Variants in FSTL5 observed in about 807,000 individuals in gnomAD.
FSTL5 encodes follistatin-related protein 5.
Under a neutral mutation model 89.1 loss-of-function variants are expected in FSTL5, and 62 were observed. The observed-to-expected ratio is 0.70, with a 90% CI of 0.57 to 0.86. The LOEUF (loss-of-function observed/expected upper bound fraction) is 0.86. Ranked by LOEUF, FSTL5 falls within the 40% of genes least tolerant of loss-of-function variation. FSTL5 has a pLI of 0.00. For missense variants in FSTL5, 1,057 were observed against 1,001.6 expected (o/e 1.06, Z -0.75); for synonymous variants, 383 against 346.2 (o/e 1.11, Z -1.18).
chr4:161,868,243 T>C (rs551095267), intron 4 of FSTL5, among the ~76,000 whole-genome samples: 3 of 152,346 alleles, frequency 2.0e-5, no homozygotes, highest in Admixed American at 2.0e-4. Flanking sequence ...CTATTCGTCA[T>C]CTACAATCCC....
chr4:161,781,515 C>G (rs1008972381), intron 4 of FSTL5, among the ~76,000 whole-genome samples: 3 of 152,108 alleles, frequency 2.0e-5, no homozygotes, highest in Non-Finnish European at 4.4e-5. Flanking sequence ...TACACTTACA[C>G]ACACCACATT....
At chr4:162,050,176 TGA>T (rs1738333677) in intron 2 of FSTL5, among the ~76,000 whole-genome samples, 1 of 151,678 alleles carries the variant, frequency 6.6e-6, no homozygotes, top group African/African-American at 2.4e-5. Context: ...AATCTAGAAT[TGA>T]AAGGTTTTTT....
At chr4:161,740,253 C>T (rs1739969097) in intron 6 of FSTL5, among the ~76,000 whole-genome samples, 1 of 152,028 alleles carries the variant, frequency 6.6e-6, no homozygotes, top group African/African-American at 2.4e-5. Context: ...CTCCTGACCT[C>T]AAGTTATTCG....
At chr4:162,153,874 C>T (rs899891214) in intron 1 of FSTL5, among the ~76,000 whole-genome samples, 2 of 148,440 alleles carry the variant, frequency 1.3e-5, no homozygotes, top group South Asian at 4.3e-4. Context: ...AGCATGATCT[C>T]GGCTCACCAC....
At chr4:161,706,952 A>G (rs1018186274) in intron 6 of FSTL5, among the ~76,000 whole-genome samples, 3 of 152,028 alleles carry the variant, frequency 2.0e-5, no homozygotes, top group African/African-American at 7.2e-5. Flanking sequence ...ATGAAATAAC[A>G]GCAAAATATT....
At chr4:161,899,055 T>C (rs1462786186) in intron 4 of FSTL5, among the ~76,000 whole-genome samples, 1 of 152,108 alleles carries the variant, frequency 6.6e-6, no homozygotes, top group Non-Finnish European at 1.5e-5. Context: ...TCCTCTTGAA[T>C]AGAGTAACTC....
intron 12 of FSTL5, among the ~76,000 whole-genome samples, chr4:161,499,590 T>A (rs2126483115): frequency 6.6e-6 from 1 of 152,288 alleles, no homozygotes; most frequent in African/African-American, 2.4e-5. Context: ...AAGAATGAGA[T>A]GAAGAATAAA....
At chr4:161,497,234 A>T (rs1189533941) in intron 12 of FSTL5, among the ~76,000 whole-genome samples, 1 of 152,140 alleles carries the variant, frequency 6.6e-6, no homozygotes, top group African/African-American at 2.4e-5. Context: ...TTTTACATTA[A>T]GGAATGAAAA....
chr4:161,775,958 T>A lies in FSTL5; in HGVS notation c.526A>T (p.Lys176Ter), dbSNP rs1741393482. The A allele has an allele frequency of 1.2e-6, 2 of 1,608,442 alleles. No individual in the cohort carries two copies. Among genetic ancestry groups the A allele is most frequent in the South Asian group, 1.1e-5 (1 of 90,126 alleles). ...ENPNGDDISRKKLLVDQMFKY... is the reference protein window; with the variant it reads ...ENPNGDDISR ...AACATTTGATCCACCAATAGCTTCT[T>A]CCGAGATATGTCGTCGCCATTAGGA... Residue 176 changes from lysine to a stop codon, truncating the protein, a stop_gained, in exon 5 of 16, where the codon AAG (lysine) becomes TAG (stop). Transcript: ENST00000306100. LOFTEE classifies it high-confidence loss of function.
chr4:161,510,342 A>T, intron 11 of FSTL5, 56 bp downstream of exon 11: 4 of 1,063,078 alleles, frequency 3.8e-6, no homozygotes, highest in Non-Finnish European at 5.5e-6. Context: ...ATAATCAACA[A>T]ATCTAATAAT....
At chr4:161,541,280 T>A (rs1731810294) in intron 9 of FSTL5, among the ~76,000 whole-genome samples, 1 of 152,134 alleles carries the variant, frequency 6.6e-6, no homozygotes, top group Admixed American at 6.6e-5. Context: ...AAGCACCTTC[T>A]CTTTTCAAAT....
At chr4:161,512,888 T>A (rs1342034517) in intron 10 of FSTL5, among the ~76,000 whole-genome samples, 1 of 152,086 alleles carries the variant, frequency 6.6e-6, no homozygotes, top group African/African-American at 2.4e-5. Flanking sequence ...GTTTTAACAA[T>A]ACAATTATCA....
chr4:161,661,848 A>C (rs1413302285), intron 6 of FSTL5, among the ~76,000 whole-genome samples: 1 of 152,204 alleles, frequency 6.6e-6, no homozygotes, highest in East Asian at 1.9e-4. Context: ...CAGAAGTGAC[A>C]CCACAGCAAA....
chr4:162,153,587 CTATATATATGTGTGTG>C (rs1733312738), intron 1 of FSTL5, among the ~76,000 whole-genome samples: 1 of 138,440 alleles, frequency 7.2e-6, no homozygotes, highest in South Asian at 2.2e-4. Flanking sequence ...CTTAAAATAA[CTATATATATGTGTGTG>C]TATATATATG....
chr4:161,786,295 T>C (rs1404270936), intron 4 of FSTL5, among the ~76,000 whole-genome samples: 2 of 152,082 alleles, frequency 1.3e-5, no homozygotes, highest in Non-Finnish European at 2.9e-5. Context: ...CATAGCATGT[T>C]ACACTGGGGA....
In FSTL5 at chr4:161,565,667, C is replaced by T. The variant is rs1419149616; in HGVS notation, c.1015+21788G>A. On this transcript the variant is annotated intron_variant, in intron 8 of 15. Transcript: ENST00000306100. ...ATATCTTTGCTATGGCATGAAAACACTTAATTGTTAACCTATTCTGTTATA... is the reference window on the plus strand; with the variant it reads ...ATATCTTTGCTATGGCATGAAAACATTTAATTGTTAACCTATTCTGTTATA... Among the ~76,000 whole-genome samples the T allele has an allele frequency of 6.0e-5, 9 of 150,442 alleles. No homozygotes were observed. In the South Asian group the frequency reaches 1.3e-3, roughly 21 times the overall value.
At chr4:161,777,632 T>C (rs1488274018) in intron 4 of FSTL5, among the ~76,000 whole-genome samples, 2 of 152,134 alleles carry the variant, frequency 1.3e-5, no homozygotes, top group South Asian at 2.1e-4. Context: ...ATGTGATATA[T>C]ATTTGCACTT....
At chr4:161,686,721 A>G (rs1386455062) in intron 6 of FSTL5, among the ~76,000 whole-genome samples, 2 of 152,028 alleles carry the variant, frequency 1.3e-5, no homozygotes, top group African/African-American at 2.4e-5. Flanking sequence ...TAATTTATTT[A>G]GTCAATATCA....
intron 7 of FSTL5, among the ~76,000 whole-genome samples, chr4:161,612,205 A>T (rs1010171686): frequency 2.0e-5 from 3 of 152,264 alleles, no homozygotes; most frequent in Non-Finnish European, 4.4e-5. Context: ...CTTTAGAATA[A>T]AGAGAAAGCA....
Sources: allele counts gnomAD v4.1 joint callset (sites outside exome capture counted in the v4.1 genomes callset), GRCh38; gene constraint gnomAD v4.1.1; transcripts MANE v1.5; gene names NCBI Gene and HGNC (gene_info 2026-07-23, HGNC 2026-07-21).